The following STAC variants were observed in gnomAD, a reference collection of about 807,000 sequenced individuals.
STAC encodes the protein SH3 and cysteine rich domain.
In STAC, 43 loss-of-function variants were observed where a neutral mutation model predicts 48.8. That is an observed-to-expected ratio of 0.88 (90% CI 0.69 to 1.14). The LOEUF is 1.14. Ranked by LOEUF, STAC falls within the 50% of genes most tolerant of loss-of-function variation. STAC has a pLI of 0.00. For synonymous variants in STAC, 193 were observed against 179.5 expected, an observed-to-expected ratio of 1.07 and a Z score of -0.60; for missense variants, 497 against 504.0, an observed-to-expected ratio of 0.99 and a Z score of 0.13.
At chr3:36,385,525 AT>A in intron 1 of STAC, among the ~76,000 whole-genome samples, 1 of 152,064 alleles carries the variant, frequency 6.6e-6, no homozygotes, top group South Asian at 2.1e-4. Flanking sequence ...GTACAACATC[AT>A]CCCCAAAACT....
At position 36,508,085 on chromosome 3, in the gene STAC, CT is replaced by C. The variant is rs1698449319; in HGVS notation, c.920+2254del. Among the ~76,000 whole-genome samples the C allele has an allele frequency of 2.6e-5, 4 of 152,302 alleles. No homozygotes were observed. The South Asian group carries it at 8.3e-4, about 32-fold the overall frequency. ...GCTATATATTTCCCTCCAAACACTG[CT>C]TTAACTGTGTCACAGAGATTCTGGT... On this transcript the variant is annotated intron_variant, in intron 8 of 10. Coordinates refer to ENST00000273183, the MANE Select transcript of STAC (RefSeq NM_003149.3).
chr3:36,420,974 T>A (rs1700436090), intron 1 of STAC, among the ~76,000 whole-genome samples: 1 of 152,184 alleles, frequency 6.6e-6, no homozygotes, highest in African/African-American at 2.4e-5. Context: ...TAAATGGTAA[T>A]TTGTCTGCTT....
rs567760893 is a variant in STAC, at chr3:36,429,458, C to A, written c.112-13906C>A. 2.6e-5 allele frequency among the ~76,000 whole-genome samples: 4 copies of A among 152,270 alleles called. No individual in the cohort carries two copies. In the East Asian group the frequency reaches 7.7e-4, roughly 29 times the overall value. On this transcript the variant is annotated intron_variant, in intron 1 of 10. Transcript: ENST00000273183. ...GGCCTTGTCCACTGTAGGAGGAGAC[C>A]TGGGAGTGGTGGGGAACAGGTTGGA...
intron 1 of STAC, among the ~76,000 whole-genome samples, chr3:36,436,944 C>T (rs1700848302): frequency 6.7e-6 from 1 of 148,180 alleles, no homozygotes; most frequent in African/African-American, 2.4e-5. Context: ...AAACAAACAA[C>T]CCCATCAAAA....
intron 5 of STAC, among the ~76,000 whole-genome samples, chr3:36,491,063 A>C (rs984153044): frequency 6.6e-6 from 1 of 152,242 alleles, no homozygotes; most frequent in African/African-American, 2.4e-5. Flanking sequence ...AACCATCCTC[A>C]AAGGAAGAAA....
At chr3:36,464,247 A>G (rs183867098) in intron 2 of STAC, among the ~76,000 whole-genome samples, 2,130 of 152,072 alleles carry the variant, frequency 0.014, 22 homozygotes, top group Non-Finnish European at 0.021. Context: ...TGTGGTTTTG[A>G]TTTGCATTTC....
chr3:36,455,585 C>T (rs1303640268), intron 2 of STAC, among the ~76,000 whole-genome samples: 1 of 152,210 alleles, frequency 6.6e-6, no homozygotes, highest in Non-Finnish European at 1.5e-5. Flanking sequence ...TGGAAAATGT[C>T]ATCCTGCACT....
intron 2 of STAC, among the ~76,000 whole-genome samples, chr3:36,478,643 C>T (rs542301385): frequency 6.6e-6 from 1 of 152,238 alleles, no homozygotes; most frequent in Non-Finnish European, 1.5e-5. Flanking sequence ...TACAGGCACA[C>T]GTAACGATGC....
At chr3:36,490,783 G>A (rs1036154930) in intron 5 of STAC, among the ~76,000 whole-genome samples, 2 of 152,144 alleles carry the variant, frequency 1.3e-5, no homozygotes, top group African/African-American at 4.8e-5. Flanking sequence ...GGGACAATTG[G>A]GGATGTCCCA....
At chr3:36,504,282 G>T in intron 6 of STAC, 111 bp from the exon 7 acceptor site, 2 of 986,208 alleles carry the variant, frequency 2.0e-6, no homozygotes, top group Non-Finnish European at 3.1e-6. Context: ...AAGGCAATAA[G>T]TAGTAAAGTA....
Position 36,453,782 on chromosome 3 carries a change from G to A in STAC, c.388+10142G>A, listed in dbSNP as rs1465790291. On this transcript the variant is annotated intron_variant, in intron 2 of 10. Coordinates refer to ENST00000273183, the MANE Select transcript of STAC (RefSeq NM_003149.3). ...CTGGGCTCCTGAGTCTGGTGGGGACGTGGAGAACCTTTATGTCTGGCTAGG... is the reference window on the plus strand; with the variant it reads ...CTGGGCTCCTGAGTCTGGTGGGGACATGGAGAACCTTTATGTCTGGCTAGG... Among the ~76,000 whole-genome samples, 5 of 27,682 alleles carry A rather than the reference G, an allele frequency of 1.8e-4. 2 individuals carry two copies. Among genetic ancestry groups the A allele is most frequent in the Admixed American group, 8.8e-4 (2 of 2,270 alleles). The allele number at this position is 27,682 out of a possible 152,430, so 18.2% of individuals were successfully genotyped here.
chr3:36,391,062 T>C (rs1458647845), intron 1 of STAC, among the ~76,000 whole-genome samples: 1 of 152,204 alleles, frequency 6.6e-6, no homozygotes, highest in Non-Finnish European at 1.5e-5. Flanking sequence ...AGGATTCCCA[T>C]GAATTCCATC....
At chr3:36,487,619 A>G (rs1179682922) in intron 5 of STAC, among the ~76,000 whole-genome samples, 1 of 152,196 alleles carries the variant, frequency 6.6e-6, no homozygotes, top group Non-Finnish European at 1.5e-5. Flanking sequence ...ACCAATAGCG[A>G]AGAAATTTGA....
At chr3:36,500,831 C>T (rs992285560) in intron 6 of STAC, among the ~76,000 whole-genome samples, 1 of 152,114 alleles carries the variant, frequency 6.6e-6, no homozygotes, top group African/African-American at 2.4e-5. Context: ...TGGCTCACAC[C>T]TATAATCCCA....
intron 2 of STAC, among the ~76,000 whole-genome samples, chr3:36,445,716 A>G (rs1463044426): frequency 1.3e-5 from 2 of 152,156 alleles, no homozygotes; most frequent in Non-Finnish European, 2.9e-5. Flanking sequence ...CATATTCTAG[A>G]TTTTAGGGAA....
At chr3:36,392,890 G>A (rs372135696) in intron 1 of STAC, among the ~76,000 whole-genome samples, 4 of 152,248 alleles carry the variant, frequency 2.6e-5, no homozygotes, top group East Asian at 3.9e-4. Flanking sequence ...ATTCACTCCA[G>A]CACTATTCCT....
intron 2 of STAC, among the ~76,000 whole-genome samples, chr3:36,460,212 G>A (rs1696971130): frequency 6.6e-6 from 1 of 151,918 alleles, no homozygotes; most frequent in African/African-American, 2.4e-5. Context: ...CAGCTTGGAA[G>A]AACCTGAGGA....
chr3:36,392,718 C>T (rs914588903), intron 1 of STAC, among the ~76,000 whole-genome samples: 5 of 152,136 alleles, frequency 3.3e-5, no homozygotes, highest in African/African-American at 1.2e-4. Context: ...TGCCTGGTGG[C>T]CAGAGAGGCA....
At chr3:36,421,606 CTCTTA>C (rs1424913196) in intron 1 of STAC, among the ~76,000 whole-genome samples, 2 of 152,082 alleles carry the variant, frequency 1.3e-5, no homozygotes, top group Non-Finnish European at 2.9e-5. Flanking sequence ...CAGAAGCTCT[CTCTTA>C]TCTTGTTTTT....
Sources: allele counts gnomAD v4.1 joint callset (sites outside exome capture counted in the v4.1 genomes callset), GRCh38; gene constraint gnomAD v4.1.1; transcripts MANE v1.5; gene names NCBI Gene and HGNC (gene_info 2026-07-23, HGNC 2026-07-21).